The following LMBR1 variants were observed in gnomAD, a reference collection of about 807,000 sequenced individuals.
LMBR1 encodes limb development membrane protein 1, also known as limb region 1 protein homolog.
In LMBR1, 52 loss-of-function variants were observed where a neutral mutation model predicts 73.9. The ratio of observed to expected loss-of-function variants is 0.70; its 90% CI spans 0.56 to 0.89. The LOEUF is 0.89. LMBR1 is among the 40% of genes least tolerant of loss of function. The pLI is 0.00. For synonymous variants in LMBR1, 215 were observed against 209.4 expected (o/e 1.03, Z -0.23); for missense variants, 539 against 579.8 (o/e 0.93, Z 0.72).
intron 9 of LMBR1, among the ~76,000 whole-genome samples, chr7:156,749,640 T>C (rs1453786193): frequency 6.6e-6 from 1 of 152,074 alleles, no homozygotes; most frequent in Admixed American, 6.6e-5. Flanking sequence ...GAAACAACAA[T>C]ATAATCTGTG....
chr7:156,881,411 A>G (rs1027112141), intron 1 of LMBR1, among the ~76,000 whole-genome samples: 2 of 152,254 alleles, frequency 1.3e-5, no homozygotes, highest in African/African-American at 4.8e-5. Flanking sequence ...GGAAGCCTTC[A>G]CAACACCGGC....
rs145760894 is a variant in LMBR1, at chr7:156,737,737, C to T, written c.758-3480G>A. On this transcript the variant is annotated intron_variant, in intron 9 of 16. Transcript: ENST00000353442. ...CATTTTTATGGAACCTGGTCTTTCTCATGAATGTCATCTCTATCTCTGCCA... is the reference window on the plus strand; with the variant it reads ...CATTTTTATGGAACCTGGTCTTTCTTATGAATGTCATCTCTATCTCTGCCA... Among the ~76,000 whole-genome samples, 113 of 148,592 alleles carry T rather than the reference C, an allele frequency of 7.6e-4. 1 individual carries two copies. Among genetic ancestry groups the T allele is most frequent in the African/African-American group, 2.7e-3 (112 of 41,352 alleles).
intron 1 of LMBR1, among the ~76,000 whole-genome samples, chr7:156,890,032 CAAAT>C (rs1393118553): frequency 6.6e-6 from 1 of 152,000 alleles, no homozygotes; most frequent in African/African-American, 2.4e-5. Flanking sequence ...AAACTAAAGA[CAAAT>C]AGACCAATAA....
At chr7:156,818,682 G>A (rs374180580) in intron 4 of LMBR1, among the ~76,000 whole-genome samples, 2 of 151,890 alleles carry the variant, frequency 1.3e-5, no homozygotes, top group African/African-American at 2.4e-5. Context: ...ACCTAACTCC[G>A]AAACATTTTT....
chr7:156,757,098 G>T (rs1298338472), intron 8 of LMBR1, among the ~76,000 whole-genome samples: 1 of 152,106 alleles, frequency 6.6e-6, no homozygotes, highest in Non-Finnish European at 1.5e-5. Context: ...TTATAGAAGT[G>T]AGCCACCACA....
chr7:156,732,137 G>A (rs778735269), intron 10 of LMBR1, among the ~76,000 whole-genome samples: 22 of 151,860 alleles, frequency 1.4e-4, no homozygotes, highest in African/African-American at 5.1e-4. Context: ...CTGAAGCTGC[G>A]GCAACAACAG....
intron 4 of LMBR1, among the ~76,000 whole-genome samples, chr7:156,818,599 G>A (rs759462825): frequency 5.9e-4 from 90 of 151,996 alleles, no homozygotes; most frequent in African/African-American, 1.9e-3. Flanking sequence ...TAAAATTAGC[G>A]ATTTTAAAGT....
intron 15 of LMBR1, among the ~76,000 whole-genome samples, chr7:156,716,248 T>G (rs566295148): frequency 6.6e-6 from 1 of 152,224 alleles, no homozygotes; most frequent in South Asian, 2.1e-4. Flanking sequence ...AAGATTTGGA[T>G]AGATAGAGAA....
chr7:156,859,694 AGATTTGCTGT>A (rs1172020234), intron 1 of LMBR1, among the ~76,000 whole-genome samples: 2 of 152,202 alleles, frequency 1.3e-5, no homozygotes, highest in Non-Finnish European at 2.9e-5. Flanking sequence ...CACAGAAGGA[AGATTTGCTGT>A]TGTTAACACG....
chr7:156,776,171 T>C (rs1826107196), intron 5 of LMBR1, among the ~76,000 whole-genome samples: 1 of 151,462 alleles, frequency 6.6e-6, no homozygotes. Context: ...AAACACAATG[T>C]AATGGTTCAC....
At chr7:156,866,857 C>T (rs1036526764) in intron 1 of LMBR1, among the ~76,000 whole-genome samples, 27 of 152,122 alleles carry the variant, frequency 1.8e-4, no homozygotes, top group Non-Finnish European at 3.5e-4. Flanking sequence ...CCGCCTTGGC[C>T]TCCCAAAGTG....
chr7:156,837,786 C>CTT (rs200071206), intron 1 of LMBR1, among the ~76,000 whole-genome samples: 12,472 of 135,244 alleles, frequency 0.092, 789 homozygotes, highest in African/African-American at 0.16. Flanking sequence ...TTTAATTTTG[C>CTT]TTTTTTTTTT....
chr7:156,892,999 T>C lies in LMBR1; in HGVS notation c.-6A>G. 1.3e-6 allele frequency: 2 copies of C among 1,522,422 alleles called. No individual in the cohort carries two copies. Among genetic ancestry groups the C allele is most frequent in the Non-Finnish European group, 1.8e-6 (2 of 1,142,130 alleles). The allele number at this position is 1,522,422 out of a possible 1,614,324, so 94.3% of individuals were successfully genotyped here. On this transcript the variant is annotated 5_prime_UTR_variant, in exon 1 of 17. Transcript: ENST00000353442. Reference sequence around the variant, plus strand: ...ACCTCGTCCTGCCCTTCCATCCTCCTTCATGCCCGCCGCCGCGCCGCCCGC... The same window carrying C: ...ACCTCGTCCTGCCCTTCCATCCTCCCTCATGCCCGCCGCCGCGCCGCCCGC...
chr7:156,836,725 A>T, intron 2 of LMBR1, 88 bp downstream of exon 2: 2 of 788,782 alleles, frequency 2.5e-6, no homozygotes, highest in South Asian at 4.1e-5. Flanking sequence ...ATACACTATG[A>T]CACTGAAGTG....
rs1024950821 is a variant in LMBR1, at chr7:156,737,348, C to T, written c.758-3091G>A. On this transcript the variant is annotated intron_variant, in intron 9 of 16. Coordinates refer to ENST00000353442, the MANE Select transcript of LMBR1 (RefSeq NM_022458.4). Reference sequence around the variant, plus strand: ...TTATTCCTGTCTTTTTGAATGTGAGCTGCTTGTCATTTCCCTTTTAAACTA... The same window carrying T: ...TTATTCCTGTCTTTTTGAATGTGAGTTGCTTGTCATTTCCCTTTTAAACTA... 3.3e-4 allele frequency among the ~76,000 whole-genome samples: 50 copies of T among 152,260 alleles called. 1 individual carries two copies. Among genetic ancestry groups the T allele is most frequent in the Admixed American group, 2.9e-3 (45 of 15,294 alleles).
At position 156,863,816 on chromosome 7, in the gene LMBR1, T is replaced by A. The variant is rs191642103; in HGVS notation, c.67-26931A>T. 1.2e-4 allele frequency among the ~76,000 whole-genome samples: 18 copies of A among 152,352 alleles called. No individual in the cohort carries two copies. The East Asian group carries it at 3.3e-3, about 28-fold the overall frequency. The stretch of plus-strand genomic sequence containing the variant: ...GAGGATTAATAAGGCAGGAGCTTTT[T>A]AATTTTAGTATGAAGCAAAAGTATT... On this transcript the variant is annotated intron_variant, in intron 1 of 16. Coordinates refer to ENST00000353442, the MANE Select transcript of LMBR1 (RefSeq NM_022458.4).
At position 156,833,744 on chromosome 7, in the gene LMBR1, A is replaced by G; in HGVS notation, c.179+9T>C. 1 of 1,593,640 alleles carries G rather than the reference A, an allele frequency of 6.3e-7. No individual in the cohort carries two copies. Among genetic ancestry groups the G allele is most frequent in the Non-Finnish European group, 8.6e-7 (1 of 1,168,558 alleles). On this transcript the variant is annotated intron_variant, in intron 3 of 16. Transcript: ENST00000353442. ...CAGAAACAGAACAACTGAACTTTAA[A>G]ATACATACGAAATCCTGTTGACGAT... is the stretch of plus-strand genomic sequence containing the variant.
At chr7:156,703,726 C>T (rs964597141) in intron 15 of LMBR1, among the ~76,000 whole-genome samples, 4 of 152,114 alleles carry the variant, frequency 2.6e-5, no homozygotes, top group African/African-American at 9.7e-5. Flanking sequence ...CATACAATCA[C>T]CATGGGGGAC....
intron 1 of LMBR1, among the ~76,000 whole-genome samples, chr7:156,837,487 G>A (rs1411787342): frequency 6.7e-6 from 1 of 148,698 alleles, no homozygotes; most frequent in Non-Finnish European, 1.5e-5. Context: ...GTGGAAATGT[G>A]AAGAATCAGA....
Sources: gnomAD v4.1 joint callset for allele counts (sites outside exome capture counted in the v4.1 genomes callset) on GRCh38, gnomAD v4.1.1 for gene constraint, MANE v1.5 for transcripts, NCBI Gene and HGNC (gene_info 2026-07-23, HGNC 2026-07-21) for gene names.